LCORL: variants seen among roughly 807,000 people sequenced by gnomAD.
LCORL encodes ligand-dependent nuclear receptor corepressor-like protein.
A neutral mutation model predicts 141.8 loss-of-function variants in LCORL; 41 were observed. The ratio of observed to expected loss-of-function variants is 0.29; its 90% CI spans 0.23 to 0.38. LCORL has a LOEUF of 0.38. Among genes scored for constraint, LCORL ranks in the 10% least tolerant of loss-of-function variants. LCORL has a pLI of 1.00. For synonymous variants in LCORL, 618 were observed against 694.1 expected, an observed-to-expected ratio of 0.89 and a Z score of 1.72; for missense variants, 1,759 against 2,035.0, an observed-to-expected ratio of 0.86 and a Z score of 2.61.
At chr4:17,930,893 T>G (rs1200685475) in intron 4 of LCORL, among the ~76,000 whole-genome samples, 1 of 152,228 alleles carries the variant, frequency 6.6e-6, no homozygotes, top group Non-Finnish European at 1.5e-5. Context: ...TGGAAAAATG[T>G]ATAGAGCATT....
At chr4:17,906,034 T>G (rs1731555725) in intron 5 of LCORL, among the ~76,000 whole-genome samples, 1 of 152,204 alleles carries the variant, frequency 6.6e-6, no homozygotes, top group South Asian at 2.1e-4. Flanking sequence ...AATAAGATAC[T>G]GGCAGTGAAG....
chr4:17,884,102 T>C lies in LCORL; in HGVS notation c.776+1966A>G. The C allele has an allele frequency of 6.4e-7, 1 of 1,550,588 alleles. No individual in the cohort carries two copies. Among genetic ancestry groups the C allele is most frequent in the East Asian group, 2.4e-5 (1 of 40,886 alleles). ...GAGGTCCCCATGTAGAAAGTAAGAGTCAACACTTGAGTGAGTTACAGGCCC... is the reference window on the plus strand; with the variant it reads ...GAGGTCCCCATGTAGAAAGTAAGAGCCAACACTTGAGTGAGTTACAGGCCC... On this transcript the variant is annotated intron_variant, in intron 6 of 7. Coordinates refer to ENST00000635767, the Ensembl canonical transcript of LCORL. The surrounding 1 kb of genome is among the most constrained non-coding windows in gnomAD (Gnocchi z 4.4).
chr4:17,995,951 T>TA (rs1720860673), intron 1 of LCORL, among the ~76,000 whole-genome samples: 1 of 152,148 alleles, frequency 6.6e-6, no homozygotes, highest in Admixed American at 6.5e-5. Flanking sequence ...CTTGGAATAT[T>TA]ATCAACACCT....
chr4:17,919,621 A>C (rs893768277), intron 4 of LCORL, among the ~76,000 whole-genome samples: 1 of 152,216 alleles, frequency 6.6e-6, no homozygotes. Context: ...ATGTCTAAAG[A>C]AGTACCCATA....
exon 7 of LCORL, chr4:17,874,577 A>G: frequency 8.1e-7 from 1 of 1,233,690 alleles, no homozygotes; most frequent in Non-Finnish European, 1.0e-6. Flanking sequence ...TGAAATGATC[A>G]TTTTCAATGT....
At chr4:17,881,881 C>A in intron 6 of LCORL, 1 of 982,776 alleles carries the variant, frequency 1.0e-6, no homozygotes, top group Non-Finnish European at 1.2e-6. Context: ...CTAAATAATG[C>A]AAGTTCTGGC....
chr4:17,950,096 G>A (rs1470464037), intron 4 of LCORL, among the ~76,000 whole-genome samples: 1 of 152,026 alleles, frequency 6.6e-6, no homozygotes, highest in African/African-American at 2.4e-5. Context: ...AGTGGAAAGT[G>A]TAAAGATGAT....
At chr4:17,998,995 T>TAC (rs1560464222) in intron 1 of LCORL, among the ~76,000 whole-genome samples, 142 of 64,838 alleles carry the variant, frequency 2.2e-3, no homozygotes, top group African/African-American at 7.2e-3. Flanking sequence ...AATATATATA[T>TAC]ATATATATAC....
At chr4:17,991,195 C>G (rs886350914) in intron 1 of LCORL, among the ~76,000 whole-genome samples, 2 of 152,196 alleles carry the variant, frequency 1.3e-5, no homozygotes, top group Non-Finnish European at 2.9e-5. Context: ...TAATCCTCCA[C>G]TCTACTCTGG....
chr4:17,908,768 T>C (rs1732055546), intron 5 of LCORL, among the ~76,000 whole-genome samples: 1 of 152,172 alleles, frequency 6.6e-6, no homozygotes, highest in African/African-American at 2.4e-5. Flanking sequence ...AAGTGCTTAC[T>C]GTTTTCAGCT....
chr4:17,969,924 G>C (rs146574805), intron 2 of LCORL, among the ~76,000 whole-genome samples: 354 of 152,218 alleles, frequency 2.3e-3, no homozygotes, highest in African/African-American at 7.6e-3. Context: ...CCTTAAAGTC[G>C]TGTTGTGTAT....
intron 3 of LCORL, among the ~76,000 whole-genome samples, chr4:17,962,629 T>C (rs1714059539): frequency 6.6e-6 from 1 of 152,054 alleles, no homozygotes; most frequent in Admixed American, 6.6e-5. Context: ...AATCAGATTG[T>C]AGGGTGGTCT....
At chr4:17,891,165 T>A (rs1729014338) in intron 5 of LCORL, among the ~76,000 whole-genome samples, 1 of 152,176 alleles carries the variant, frequency 6.6e-6, no homozygotes, top group Non-Finnish European at 1.5e-5. Context: ...ACATTACATG[T>A]CTTAACTCAT....
exon 7 of LCORL, chr4:17,876,321 T>C: frequency 8.1e-7 from 1 of 1,231,068 alleles, no homozygotes; most frequent in Non-Finnish European, 1.0e-6. Flanking sequence ...GCTCTGTTCT[T>C]TGCATGTCAT....
At chr4:17,910,235 T>G (rs1732299744) in intron 4 of LCORL, among the ~76,000 whole-genome samples, 1 of 152,222 alleles carries the variant, frequency 6.6e-6, no homozygotes, top group Non-Finnish European at 1.5e-5. Flanking sequence ...ATATACACAG[T>G]GCACAATAGC....
exon 8 of LCORL, chr4:17,844,656 TTG>T (rs900856733): frequency 6.8e-6 from 1 of 147,948 alleles, no homozygotes; most frequent in African/African-American, 2.7e-5. Context: ...TTATGTGTTG[TTG>T]TTTTAAAGAC....
chr4:17,877,925 G>A, exon 7 of LCORL: 1 of 1,230,590 alleles, frequency 8.1e-7, no homozygotes, highest in Non-Finnish European at 1.0e-6. Flanking sequence ...CTAAACCAGG[G>A]CTTTGTTTTT....
At position 17,898,294 on chromosome 4, in the gene LCORL, T is replaced by G. The variant is rs369385563; in HGVS notation, c.682+10800A>C. On this transcript the variant is annotated intron_variant, in intron 5 of 7. Coordinates refer to ENST00000635767, the Ensembl canonical transcript of LCORL. ...AAAATCACTTGATATAATTCTTTTC[T>G]CAATGTTATGTTACTAACATTATGT... Among the ~76,000 whole-genome samples the G allele has an allele frequency of 2.0e-4, 31 of 152,344 alleles. No individual in the cohort carries two copies. The East Asian group carries it at 5.8e-3, about 28-fold the overall frequency.
At chr4:17,892,956 T>C (rs892671184) in intron 5 of LCORL, among the ~76,000 whole-genome samples, 13 of 152,246 alleles carry the variant, frequency 8.5e-5, no homozygotes, top group Non-Finnish European at 1.9e-4. Context: ...TGCAACATCA[T>C]AGTGGAAGAC....
Sources: gnomAD v4.1 joint callset for allele counts (sites outside exome capture counted in the v4.1 genomes callset) on GRCh38, gnomAD v4.1.1 for gene constraint, Gnocchi (gnomAD v3.1) non-coding constraint, MANE v1.5 for transcripts, NCBI Gene and HGNC (gene_info 2026-07-23, HGNC 2026-07-21) for gene names.